Variants in EED observed in about 807,000 individuals in gnomAD.
EED encodes the protein embryonic ectoderm development, also known as polycomb protein EED.
Under a neutral mutation model 61.0 loss-of-function variants are expected in EED, and 9 were observed. The observed-to-expected ratio is 0.15, with a 90% CI of 0.09 to 0.26. EED has a LOEUF of 0.26. Among genes scored for constraint, EED ranks in the 10% least tolerant of loss-of-function variants. EED has a pLI of 1.00. For missense variants in EED, 315 were observed against 542.3 expected (o/e 0.58, Z 4.16); for synonymous variants, 187 against 174.4 (o/e 1.07, Z -0.57).
At chr11:86,280,096 T>TC (rs1946305639), downstream of EED, among the ~76,000 whole-genome samples, 1 of 152,310 alleles carries the variant, frequency 6.6e-6, no homozygotes, top group East Asian at 1.9e-4. Flanking sequence ...GTTTGTTTTT[T>TC]AATTTTTTTG....
At chr11:86,253,514 A>C (rs1945587995) in intron 3 of EED, among the ~76,000 whole-genome samples, 1 of 152,256 alleles carries the variant, frequency 6.6e-6, no homozygotes, top group African/African-American at 2.4e-5. Context: ...GGTGTCATAT[A>C]GTTTATTGAA....
intron 3 of EED, among the ~76,000 whole-genome samples, chr11:86,253,809 A>C (rs1297107671): frequency 6.6e-6 from 1 of 152,160 alleles, no homozygotes; most frequent in Non-Finnish European, 1.5e-5. Context: ...GCATTTTGGG[A>C]GGCTGAGGCA....
In EED at chr11:86,250,359, C is replaced by G. The variant is rs753700468; in HGVS notation, c.178C>G (p.Pro60Ala). The change falls in exon 2 of 12, where the codon CCA (proline) becomes GCA (alanine). Residue 60 changes from proline to alanine, a missense_variant. Around this residue, in one of 2 missense-constraint regions of EED, gnomAD observed 110 missense variants for 86.9 expected, o/e 1.27. Coordinates refer to ENST00000263360, the MANE Select transcript of EED (RefSeq NM_003797.5). ...ACGCCCTGATACACCTACAAACACGCCAAATGCACCTGGAAGGAAAAGTTG... is the reference window on the plus strand; with the variant it reads ...ACGCCCTGATACACCTACAAACACGGCAAATGCACCTGGAAGGAAAAGTTG... ...TERPDTPTNTPNAPGRKSWGK... is the reference protein window; with the variant it reads ...TERPDTPTNTANAPGRKSWGK... 1.2e-6 allele frequency: 2 copies of G among 1,607,786 alleles called. No individual in the cohort carries two copies. Among genetic ancestry groups the G allele is most frequent in the Non-Finnish European group, 1.7e-6 (2 of 1,177,404 alleles).
rs775062116 is a variant in EED, at chr11:86,262,443, G to C, written c.635-1729G>C. On this transcript the variant is annotated intron_variant, in intron 6 of 11. Coordinates refer to ENST00000263360, the MANE Select transcript of EED (RefSeq NM_003797.5). The stretch of plus-strand genomic sequence containing the variant: ...TAAGTTCTTCACAACTGTATTGCAA[G>C]GATGGCTTTTATTTATTTATTTAAT... 3.7e-4 allele frequency among the ~76,000 whole-genome samples: 57 copies of C among 152,174 alleles called. 1 individual carries two copies. The highest frequency in any genetic ancestry group is 2.6e-4 in the Non-Finnish European group (18 of 68,028).
intron 2 of EED, 21 bp from the exon 3 acceptor site, chr11:86,252,127 T>C (rs1388054667): frequency 1.9e-6 from 3 of 1,592,648 alleles, no homozygotes; most frequent in Non-Finnish European, 2.6e-6. Context: ...AATCTTTTCT[T>C]ATTTCATGAT....
Position 86,264,185 on chromosome 11 carries a change from A to G in EED, c.648A>G (p.Arg216=), listed in dbSNP as rs1221488449. ...LLSVSKDHAL[R]LWNIQTDTLV... ...TGTTTATACTAGATCATGCTTTACG[A>G]TTATGGAATATCCAGACGGACACTC... The change falls in exon 7 of 12, where the codon CGA becomes CGG. Residue 216 remains arginine, a synonymous_variant. Coordinates refer to ENST00000263360, the MANE Select transcript of EED (RefSeq NM_003797.5). 1 of 1,613,862 alleles carries G rather than the reference A, an allele frequency of 6.2e-7. No individual in the cohort carries two copies. The highest frequency in any genetic ancestry group is 8.5e-7 in the Non-Finnish European group (1 of 1,179,774).
At chr11:86,258,717 G>A (rs1423609856) in intron 6 of EED, among the ~76,000 whole-genome samples, 2 of 151,416 alleles carry the variant, frequency 1.3e-5, no homozygotes, top group African/African-American at 2.4e-5. Context: ...CACCATGCCC[G>A]GCTAATTTTT....
chr11:86,264,427 C>T (rs941620186), intron 7 of EED, 164 bp downstream of exon 7: 3 of 478,776 alleles, frequency 6.3e-6, no homozygotes, highest in African/African-American at 4.0e-5. Flanking sequence ...AGGAATAAAA[C>T]AAGTAAAGAC....
chr11:86,262,305 C>G (rs1403020857), intron 6 of EED, among the ~76,000 whole-genome samples: 1 of 152,180 alleles, frequency 6.6e-6, no homozygotes, highest in Non-Finnish European at 1.5e-5. Flanking sequence ...CCAGAAGAAG[C>G]CATGCATCAC....
chr11:86,263,135 A>G (rs372999405), intron 6 of EED, among the ~76,000 whole-genome samples: 2 of 152,126 alleles, frequency 1.3e-5, no homozygotes, highest in African/African-American at 4.8e-5. Context: ...CCATTTTCCA[A>G]TAACTTCTCA....
At chr11:86,277,847 G>A (rs1946267745) in intron 10 of EED, 71 bp from the exon 11 acceptor site, 2 of 1,416,324 alleles carry the variant, frequency 1.4e-6, no homozygotes, top group South Asian at 1.6e-5. Context: ...AAAGCTGTCT[G>A]AGGATTCCTC....
downstream of EED, among the ~76,000 whole-genome samples, chr11:86,282,387 T>G (rs930672196): frequency 6.6e-6 from 1 of 152,234 alleles, no homozygotes; most frequent in African/African-American, 2.4e-5. Flanking sequence ...AGATTCCCAG[T>G]AATTCTTAAC....
At chr11:86,277,216 C>A in intron 10 of EED, 78 bp downstream of exon 10, 1 of 1,342,094 alleles carries the variant, frequency 7.5e-7, no homozygotes, top group Non-Finnish European at 1.0e-6. Flanking sequence ...CTGTTGTGTC[C>A]ATGTTCTTTT....
chr11:86,256,355 A>T, intron 4 of EED, 32 bp from the exon 5 acceptor site: 1 of 1,497,488 alleles, frequency 6.7e-7, no homozygotes, highest in East Asian at 2.3e-5. Context: ...TTTTTCAAAA[A>T]CATTATGTTT....
chr11:86,267,637 G>A, intron 8 of EED, among the ~76,000 whole-genome samples: 1 of 152,016 alleles, frequency 6.6e-6, no homozygotes, highest in Non-Finnish European at 1.5e-5. Context: ...TTTTGCTCTT[G>A]TTTCCCAGGC....
intron 5 of EED, 30 bp downstream of exon 5, chr11:86,256,542 GCTT>G (rs1171396053): frequency 1.3e-6 from 2 of 1,528,764 alleles, no homozygotes; most frequent in Admixed American, 2.0e-5. Context: ...TTGTAGATCT[GCTT>G]CTTTTGAATC....
At chr11:86,280,023 G>A (rs1277521178), downstream of EED, among the ~76,000 whole-genome samples, 1 of 152,116 alleles carries the variant, frequency 6.6e-6, no homozygotes, top group Non-Finnish European at 1.5e-5. Context: ...TGATTAACTG[G>A]GTGAGAATAT....
At chr11:86,263,636 C>A (rs1305059358) in intron 6 of EED, among the ~76,000 whole-genome samples, 1 of 152,156 alleles carries the variant, frequency 6.6e-6, no homozygotes, top group African/African-American at 2.4e-5. Flanking sequence ...CCATCTTGGC[C>A]TTCTGAAGTG....
At chr11:86,268,275 A>T in intron 8 of EED, 181 bp from the exon 9 acceptor site, 1 of 465,532 alleles carries the variant, frequency 2.1e-6, no homozygotes, top group Admixed American at 4.0e-5. Context: ...AAAAATAAAC[A>T]AAAGTGGAAT....
Sources: gnomAD v4.1 joint callset for allele counts (sites outside exome capture counted in the v4.1 genomes callset) on GRCh38, gnomAD v4.1.1 for gene constraint, gnomAD v4.1.1 regional missense constraint, MANE v1.5 for transcripts, NCBI Gene and HGNC (gene_info 2026-07-23, HGNC 2026-07-21) for gene names.